The following MYO19 variants were observed in gnomAD, a reference collection of about 807,000 sequenced individuals.
MYO19 encodes the protein myosin XIX.
A neutral mutation model predicts 129.2 loss-of-function variants in MYO19; 132 were observed. The ratio of observed to expected loss-of-function variants is 1.02; its 90% CI spans 0.89 to 1.18. The LOEUF (loss-of-function observed/expected upper bound fraction) is 1.18, where lower values mean the gene tolerates loss of function less well. Among genes scored for constraint, MYO19 ranks in the 50% most tolerant of loss-of-function variants. The pLI, the probability that MYO19 is intolerant of heterozygous loss-of-function variation, is 0.00. For missense variants in MYO19, 1,210 were observed against 1,216.7 expected (o/e 0.99, Z 0.08); for synonymous variants, 531 against 477.2 (o/e 1.11, Z -1.47).
rs1429262673 is a variant in MYO19 at position 36,507,438 on chromosome 17, A to T, written c.1428T>A (p.Ile476=). ...AGCAGATGCTGATGGGGCTTCCCTCAATGAGATCCAAACAGGGCTGGTTGT... is the reference window on the plus strand; with the variant it reads ...AGCAGATGCTGATGGGGCTTCCCTCTATGAGATCCAAACAGGGCTGGTTGT... ...YQDNQPCLDL[I]EGSPISICSL... is the part of the protein sequence containing the mutation. The change falls in exon 16 of 26, where the codon ATT becomes ATA. Residue 476 remains isoleucine, a synonymous_variant. Transcript: ENST00000614623. 2.5e-6 allele frequency: 4 copies of T among 1,613,546 alleles called. No individual in the cohort carries two copies. Among genetic ancestry groups the T allele is most frequent in the African/African-American group, 2.7e-5 (2 of 74,862 alleles).
chr17:36,535,203 T>C (rs1467986642), upstream of MYO19: 6 of 152,258 alleles, frequency 3.9e-5, no homozygotes, highest in East Asian at 1.9e-4. Flanking sequence ...GGCGGAGTCT[T>C]GTGCGAGTGC....
Position 36,532,641 on chromosome 17 carries a change from G to A in MYO19, c.-103C>T. Reference sequence around the variant, plus strand: ...GGGCTGGGGTATGGTTCCAACAAAGGGCTCAGTTCTGGAGGAATCTCAGAC... The same window carrying A: ...GGGCTGGGGTATGGTTCCAACAAAGAGCTCAGTTCTGGAGGAATCTCAGAC... On this transcript the variant is annotated 5_prime_UTR_variant, in exon 3 of 26. Transcript: ENST00000614623. 1 of 1,387,488 alleles carries A rather than the reference G, an allele frequency of 7.2e-7. No individual in the cohort carries two copies. Among genetic ancestry groups the A allele is most frequent in the Non-Finnish European group, 1.0e-6 (1 of 998,868 alleles). 85.9% of individuals were successfully genotyped at this position (1,387,488 alleles called of 1,614,324 possible).
intron 3 of MYO19, among the ~76,000 whole-genome samples, chr17:36,528,494 G>A (rs1236281817): frequency 6.7e-6 from 1 of 149,622 alleles, no homozygotes; most frequent in Admixed American, 6.7e-5. Flanking sequence ...CTGGGCGACA[G>A]AGCAAGACTC....
At chr17:36,530,884 G>T (rs944635247) in intron 3 of MYO19, among the ~76,000 whole-genome samples, 1 of 152,080 alleles carries the variant, frequency 6.6e-6, no homozygotes, top group South Asian at 2.1e-4. Context: ...ACCTCCCAAA[G>T]TATTGGGATT....
At position 36,515,188 on chromosome 17, in the gene MYO19, G is replaced by T; in HGVS notation, c.548-6C>A. 1 of 1,611,974 alleles carries T rather than the reference G, an allele frequency of 6.2e-7. No homozygotes were observed. Among genetic ancestry groups the T allele is most frequent in the South Asian group, 1.1e-5 (1 of 90,440 alleles). ...CCTCAGTGTACACGCATTCCCTACA[G>T]ATCACACCTATGTTTATTTCACTCC... On this transcript the variant is annotated splice_region_variant and splice_polypyrimidine_tract_variant and intron_variant, in intron 7 of 25. Transcript: ENST00000614623.
upstream of MYO19, chr17:36,537,245 T>C (rs375324713): frequency 3.1e-6 from 5 of 1,614,054 alleles, no homozygotes; most frequent in African/African-American, 5.3e-5. Context: ...ACTTGTGTTC[T>C]TTTTCACCTA....
At chr17:36,515,778 A>T (rs1167287877) in intron 7 of MYO19, 80 bp downstream of exon 7, 1 of 1,496,196 alleles carries the variant, frequency 6.7e-7, no homozygotes, top group East Asian at 2.3e-5. Context: ...AGGGTCTCAA[A>T]GCACTGTCCC....
At chr17:36,500,554 A>G (rs1013352678) in intron 23 of MYO19, 7 of 429,484 alleles carry the variant, frequency 1.6e-5, no homozygotes, top group Non-Finnish European at 2.1e-5. Context: ...AACAGCTGTC[A>G]GGGTCTGAGA....
intron 9 of MYO19, 90 bp from the exon 10 acceptor site, chr17:36,513,815 A>T: frequency 8.8e-7 from 1 of 1,135,914 alleles, no homozygotes; most frequent in African/African-American, 1.6e-5. Context: ...ATAAGAGGAG[A>T]GTTGGTAGCA....
chr17:36,510,980 G>A, intron 12 of MYO19, 63 bp from the exon 13 acceptor site: 1 of 1,501,484 alleles, frequency 6.7e-7, no homozygotes, highest in Non-Finnish European at 9.0e-7. Flanking sequence ...ACGAGGCACT[G>A]TGAAGTCATC....
intron 6 of MYO19, among the ~76,000 whole-genome samples, chr17:36,524,028 A>T (rs2073307530): frequency 6.6e-6 from 1 of 152,234 alleles, no homozygotes; most frequent in Non-Finnish European, 1.5e-5. Context: ...GGCCCAGCCC[A>T]GGGCTACAGT....
intron 18 of MYO19, 27 bp downstream of exon 18, chr17:36,506,429 C>T: frequency 1.9e-6 from 3 of 1,613,714 alleles, no homozygotes; most frequent in Non-Finnish European, 2.5e-6. Context: ...TTGAACCAAG[C>T]ACCTCCCATC....
At chr17:36,541,064 C>G (rs994398837) in intron 2 of MYO19, among the ~76,000 whole-genome samples, 3 of 152,124 alleles carry the variant, frequency 2.0e-5, no homozygotes, top group Middle Eastern at 3.2e-3. Context: ...TCTCCTGCCT[C>G]TGCCTCCCGA....
In MYO19 at chr17:36,510,726, G is replaced by GGGA; in HGVS notation, c.1157+19_1157+20insTCC. On this transcript the variant is annotated intron_variant, in intron 13 of 25. Coordinates refer to ENST00000614623, the MANE Select transcript of MYO19 (RefSeq NM_001163735.2). The stretch of plus-strand genomic sequence containing the variant: ...ACTTGTCGGGGTCCTCCCCAACAAG[G>GGGA]GGCCAGAGTAACTGCTCACCGCGCA... 6.3e-7 allele frequency: 1 copy of GGGA among 1,576,796 alleles called. No homozygotes were observed. Among genetic ancestry groups the GGGA allele is most frequent in the Non-Finnish European group, 8.6e-7 (1 of 1,156,390 alleles).
upstream of MYO19, chr17:36,543,448 C>G (rs1157858230): frequency 6.6e-6 from 1 of 152,222 alleles, no homozygotes; most frequent in Non-Finnish European, 1.5e-5. Flanking sequence ...GCCATGACCC[C>G]GGCCCAGAAG....
chr17:36,515,812 C>T (rs1467588818), intron 7 of MYO19, 46 bp downstream of exon 7: 1 of 1,571,530 alleles, frequency 6.4e-7, no homozygotes, highest in Non-Finnish European at 8.7e-7. Flanking sequence ...TGGAAAATCC[C>T]AGAGGAAATG....
intron 6 of MYO19, among the ~76,000 whole-genome samples, chr17:36,519,354 T>A (rs1231352008): frequency 6.6e-6 from 1 of 152,250 alleles, no homozygotes; most frequent in Non-Finnish European, 1.5e-5. Flanking sequence ...GCAACATTGC[T>A]TGTTCTAATG....
chr17:36,530,171 G>A (rs2073741620), intron 3 of MYO19, among the ~76,000 whole-genome samples: 1 of 152,178 alleles, frequency 6.6e-6, no homozygotes, highest in Admixed American at 6.5e-5. Flanking sequence ...AATTAGCTGG[G>A]CATTATGGCA....
chr17:36,503,059 G>C (rs79832987), intron 21 of MYO19, 38 bp downstream of exon 21: 63,596 of 1,529,426 alleles, frequency 0.042, 2,049 homozygotes, highest in African/African-American at 0.16. Flanking sequence ...TCAGTAAACT[G>C]TGGTTGCACA....
Sources: gnomAD v4.1 joint callset for allele counts (sites outside exome capture counted in the v4.1 genomes callset) on GRCh38, gnomAD v4.1.1 for gene constraint, MANE v1.5 for transcripts, NCBI Gene and HGNC (gene_info 2026-07-23, HGNC 2026-07-21) for gene names.